The following ZMAT4 variants were observed in gnomAD, a reference collection of about 807,000 sequenced individuals.
ZMAT4 encodes zinc finger matrin-type protein 4.
ZMAT4 carries 17 observed loss-of-function variants against 28.7 expected under a neutral mutation model. The ratio of observed to expected loss-of-function variants is 0.59; its 90% confidence interval spans 0.41 to 0.89. The LOEUF (loss-of-function observed/expected upper bound fraction) is 0.89. Ranked by LOEUF, ZMAT4 falls within the 40% of genes least tolerant of loss-of-function variation. The pLI is 0.00. For missense variants in ZMAT4, 240 were observed against 283.8 expected, an observed-to-expected ratio of 0.85 and a Z score of 1.11; for synonymous variants, 117 against 109.2, an observed-to-expected ratio of 1.07 and a Z score of -0.44.
At chr8:40,848,644 G>C (rs1243043208) in intron 1 of ZMAT4, among the ~76,000 whole-genome samples, 1 of 152,016 alleles carries the variant, frequency 6.6e-6, no homozygotes, top group Non-Finnish European at 1.5e-5. Flanking sequence ...GTAAAACAGG[G>C]ATAATAATAA....
intron 3 of ZMAT4, among the ~76,000 whole-genome samples, chr8:40,728,976 T>C (rs1811420829): frequency 6.6e-6 from 1 of 152,238 alleles, no homozygotes; most frequent in South Asian, 2.1e-4. Flanking sequence ...TAGCACACAA[T>C]GTTTTGAAAC....
chr8:40,708,814 A>T (rs1404560143), intron 3 of ZMAT4, among the ~76,000 whole-genome samples: 8 of 151,428 alleles, frequency 5.3e-5, no homozygotes. Flanking sequence ...CGCGACAGCT[A>T]ATTTTTGTAT....
chr8:40,883,412 A>G (rs563463603), intron 1 of ZMAT4, among the ~76,000 whole-genome samples: 5 of 152,276 alleles, frequency 3.3e-5, no homozygotes, highest in African/African-American at 4.8e-5. Flanking sequence ...ACTACCTGGA[A>G]TGTCGAACCC....
intron 3 of ZMAT4, among the ~76,000 whole-genome samples, chr8:40,723,201 T>C (rs1403235751): frequency 6.6e-6 from 1 of 152,124 alleles, no homozygotes; most frequent in Non-Finnish European, 1.5e-5. Flanking sequence ...AGAATGAGTA[T>C]CTACATTTAG....
At chr8:40,858,885 G>A (rs1165022491) in intron 1 of ZMAT4, among the ~76,000 whole-genome samples, 2 of 152,088 alleles carry the variant, frequency 1.3e-5, no homozygotes, top group African/African-American at 2.4e-5. Flanking sequence ...CATTCCCTGG[G>A]AGACAAAAGG....
intron 3 of ZMAT4, among the ~76,000 whole-genome samples, chr8:40,753,500 T>G (rs1812542717): frequency 6.6e-6 from 1 of 152,214 alleles, no homozygotes; most frequent in Admixed American, 6.5e-5. Context: ...TTTCTTTATT[T>G]AAATATTTGT....
At chr8:40,734,783 G>A (rs1209367533) in intron 3 of ZMAT4, among the ~76,000 whole-genome samples, 1 of 151,990 alleles carries the variant, frequency 6.6e-6, no homozygotes, top group South Asian at 2.1e-4. Flanking sequence ...GGTTACTGGA[G>A]GCCAATCTTG....
rs547230465 is a variant in ZMAT4 at position 40,663,397 on chromosome 8, CT to C, written c.577+11306del. Among the ~76,000 whole-genome samples the C allele has an allele frequency of 1.8e-3, 275 of 152,268 alleles. 1 individual carries two copies. Among genetic ancestry groups the C allele is most frequent in the African/African-American group, 6.1e-3 (254 of 41,566 alleles). ...TCAATAAAGATATTATCTTCTCCCCCTCCCTTCCTCAGACTTCAAACCCTTT... is the reference window on the plus strand; with the variant it reads ...TCAATAAAGATATTATCTTCTCCCCCCCCTTCCTCAGACTTCAAACCCTTT... On this transcript the variant is annotated intron_variant, in intron 5 of 6. Transcript: ENST00000297737.
Position 40,772,274 on chromosome 8 carries a change from T to A in ZMAT4, c.103-4544A>T, listed in dbSNP as rs79410171. Among the ~76,000 whole-genome samples, 794 of 152,340 alleles carry A rather than the reference T, an allele frequency of 5.2e-3. 5 individuals carry two copies. The highest frequency in any genetic ancestry group is 0.018 in the African/African-American group (767 of 41,588). The stretch of plus-strand genomic sequence containing the variant: ...GTGCGGGGACAGACCTATCTGAAGA[T>A]TAGTTTCTTTTGCTGAAACAATCTC... On this transcript the variant is annotated intron_variant, in intron 2 of 6. Transcript: ENST00000297737.
At chr8:40,713,780 G>T (rs751988567) in intron 3 of ZMAT4, among the ~76,000 whole-genome samples, 48 of 151,690 alleles carry the variant, frequency 3.2e-4, no homozygotes, top group Middle Eastern at 3.4e-3. Flanking sequence ...GTGGTGGCAG[G>T]TCCCTGTAAT....
intron 3 of ZMAT4, among the ~76,000 whole-genome samples, chr8:40,706,865 A>G (rs536979560): frequency 7.0e-4 from 106 of 152,248 alleles, no homozygotes; most frequent in Non-Finnish European, 1.4e-3. Flanking sequence ...GTCCCACTGA[A>G]AGGTTTCACT....
chr8:40,785,997 G>A (rs1437113502), intron 2 of ZMAT4, among the ~76,000 whole-genome samples: 1 of 152,060 alleles, frequency 6.6e-6, no homozygotes, highest in Non-Finnish European at 1.5e-5. Flanking sequence ...GCTGCCTTCA[G>A]CTCCTTGACA....
intron 1 of ZMAT4, among the ~76,000 whole-genome samples, chr8:40,841,164 G>A (rs1008086264): frequency 5.3e-5 from 8 of 152,218 alleles, no homozygotes; most frequent in Admixed American, 1.3e-4. Context: ...GTGAAACGTA[G>A]TAGAGTCTAA....
intron 5 of ZMAT4, among the ~76,000 whole-genome samples, chr8:40,673,376 C>T (rs779887549): frequency 6.6e-6 from 1 of 152,090 alleles, no homozygotes. Flanking sequence ...TAATTATCCC[C>T]CTTACAGGTT....
intron 2 of ZMAT4, among the ~76,000 whole-genome samples, chr8:40,820,861 TTG>T (rs1491096856): frequency 5.3e-5 from 2 of 37,868 alleles, no homozygotes; most frequent in Non-Finnish European, 1.3e-4. Context: ...TTATGTGTGT[TTG>T]TGTGTTTATG....
At chr8:40,849,057 G>A (rs568030836) in intron 1 of ZMAT4, among the ~76,000 whole-genome samples, 183 of 152,284 alleles carry the variant, frequency 1.2e-3, no homozygotes, top group African/African-American at 4.1e-3. Context: ...TGGAGGTGCC[G>A]TCCCATCCCA....
intron 5 of ZMAT4, among the ~76,000 whole-genome samples, chr8:40,624,787 A>G (rs548338587): frequency 2.6e-5 from 4 of 152,292 alleles, no homozygotes; most frequent in African/African-American, 9.6e-5. Flanking sequence ...CCTAGTTTTC[A>G]GTCAGTCAGT....
chr8:40,601,623 A>C (rs1194941842), intron 5 of ZMAT4, among the ~76,000 whole-genome samples: 1 of 26,466 alleles, frequency 3.8e-5, no homozygotes, highest in African/African-American at 1.0e-4. Flanking sequence ...AGAAAGAAAG[A>C]AAGAAAGAAA....
intron 1 of ZMAT4, among the ~76,000 whole-genome samples, chr8:40,844,582 A>G (rs1298782401): frequency 6.6e-6 from 1 of 151,896 alleles, no homozygotes; most frequent in Non-Finnish European, 1.5e-5. Flanking sequence ...GATTCCTGAA[A>G]TAAATCTCAT....
Sources: allele counts gnomAD v4.1 joint callset (sites outside exome capture counted in the v4.1 genomes callset), GRCh38; gene constraint gnomAD v4.1.1; transcripts MANE v1.5; gene names NCBI Gene and HGNC (gene_info 2026-07-23, HGNC 2026-07-21).